GSTO1: variants seen among roughly 807,000 people sequenced by gnomAD.
GSTO1 encodes the protein glutathione S-transferase omega 1, also known as glutathione S-transferase omega-1.
In GSTO1, 27 loss-of-function variants were observed where a neutral mutation model predicts 23.8. The ratio of observed to expected loss-of-function variants is 1.13; its 90% CI spans 0.83 to 1.56. The LOEUF (loss-of-function observed/expected upper bound fraction) is 1.56, where lower values mean the gene tolerates loss of function less well. Among genes scored for constraint, GSTO1 ranks in the 40% most tolerant of loss-of-function variants. The pLI, the probability that GSTO1 is intolerant of heterozygous loss-of-function variation, is 0.00. For synonymous variants in GSTO1, 105 were observed against 109.3 expected, an observed-to-expected ratio of 0.96 and a Z score of 0.25; for missense variants, 255 against 285.8, an observed-to-expected ratio of 0.89 and a Z score of 0.78.
intron 1 of GSTO1, 96 bp downstream of exon 1, chr10:104,255,058 A>G: frequency 6.9e-7 from 1 of 1,450,856 alleles, no homozygotes; most frequent in Non-Finnish European, 9.5e-7. Context: ...GGAGCGCCCC[A>G]CCGGCGGGGA....
At position 104,266,170 on chromosome 10, in the gene GSTO1, G is replaced by A. The variant is rs749156346; in HGVS notation, c.552G>A (p.Leu184=). Residue 184 remains leucine, a synonymous_variant, in exon 5 of 6, where the codon CTG becomes CTA. Coordinates refer to ENST00000369713, the MANE Select transcript of GSTO1 (RefSeq NM_004832.3). The part of the protein sequence containing the change: ...DYLIWPWFER[L]EAMKLNECVD... ...TCATCTGGCCCTGGTTTGAACGGCT[G>A]GAAGCAATGAAGTTAAATGAGTAAG... 4 of 1,597,544 alleles carry A rather than the reference G, an allele frequency of 2.5e-6. No homozygotes were observed. In the Admixed American group the frequency reaches 6.7e-5, roughly 27 times the overall value.
At chr10:104,258,043 T>G (rs2011109520) in intron 2 of GSTO1, among the ~76,000 whole-genome samples, 1 of 152,188 alleles carries the variant, frequency 6.6e-6, no homozygotes, top group Non-Finnish European at 1.5e-5. Flanking sequence ...ATAACAAACT[T>G]GTAAATAAGT....
At chr10:104,260,672 T>A (rs1440279167) in intron 3 of GSTO1, among the ~76,000 whole-genome samples, 3 of 152,224 alleles carry the variant, frequency 2.0e-5, no homozygotes, top group African/African-American at 7.2e-5. Context: ...GAATAGCATG[T>A]CTGGTTATAT....
chr10:104,265,517 G>T (rs1371701383), intron 4 of GSTO1, among the ~76,000 whole-genome samples: 1 of 152,148 alleles, frequency 6.6e-6, no homozygotes. Flanking sequence ...ACAATTGCTG[G>T]GTGATGAGTA....
intron 2 of GSTO1, among the ~76,000 whole-genome samples, chr10:104,256,155 A>G (rs947043983): frequency 1.3e-5 from 2 of 152,218 alleles, no homozygotes; most frequent in Non-Finnish European, 2.9e-5. Flanking sequence ...TGCATTTAAA[A>G]AATACATTTG....
At chr10:104,266,680 G>A (rs1054974679) in intron 5 of GSTO1, among the ~76,000 whole-genome samples, 11 of 151,448 alleles carry the variant, frequency 7.3e-5, no homozygotes, top group Non-Finnish European at 1.3e-4. Flanking sequence ...GTTGCAGTGA[G>A]CTGAGATCAT....
In GSTO1 at chr10:104,255,019, C is replaced by T. The variant is rs1017287304; in HGVS notation, c.34+57C>T. The stretch of plus-strand genomic sequence containing the variant: ...TCTCGGCGACCCCCGGCGGCATGTT[C>T]GAGGCTGCTCCGGGAGCCCAGCCGC... On this transcript the variant is annotated intron_variant, in intron 1 of 5. Transcript: ENST00000369713. 11 of 1,544,626 alleles carry T rather than the reference C, an allele frequency of 7.1e-6. No individual in the cohort carries two copies. In the Middle Eastern group the frequency reaches 7.0e-4, roughly 99 times the overall value.
intron 3 of GSTO1, among the ~76,000 whole-genome samples, chr10:104,260,799 G>C (rs1300032350): frequency 6.6e-6 from 1 of 152,176 alleles, no homozygotes; most frequent in East Asian, 1.9e-4. Flanking sequence ...TCTGTTTTAG[G>C]AGACATTATA....
chr10:104,259,636 C>T lies in GSTO1; in HGVS notation c.204C>T (p.Pro68=). Residue 68 remains proline, a synonymous_variant, in exon 3 of 6, where the codon CCC becomes CCT. Transcript: ENST00000369713. The part of the protein sequence containing the change: ...NKPEWFFKKN[P]FGLVPVLENS... The stretch of plus-strand genomic sequence containing the variant: ...CTGAGTGGTTCTTTAAGAAAAATCC[C>T]TTTGGTCTGGTGCCAGTTCTGGAAA... The T allele has an allele frequency of 6.2e-7, 1 of 1,613,580 alleles. No homozygotes were observed. Among genetic ancestry groups the T allele is most frequent in the Non-Finnish European group, 8.5e-7 (1 of 1,179,616 alleles).
chr10:104,254,809 G>A (rs2091593180), upstream of GSTO1: 7 of 971,726 alleles, frequency 7.2e-6, no homozygotes, highest in Non-Finnish European at 1.1e-5. Flanking sequence ...GCGGCCGCCG[G>A]GGGCAGGCAC....
chr10:104,256,441 A>T (rs373556491), intron 2 of GSTO1, among the ~76,000 whole-genome samples: 17 of 152,326 alleles, frequency 1.1e-4, no homozygotes, highest in African/African-American at 3.8e-4. Context: ...CTGGACCTTT[A>T]GTTTGAAAAC....
chr10:104,255,196 C>T lies in GSTO1; in HGVS notation c.68C>T (p.Ser23Leu). Residue 23 changes from serine (S) to leucine (L), a missense_variant, in exon 2 of 6, where the codon TCG becomes TTG. Ser to Leu is a moderately radical substitution (Grantham distance 145, BLOSUM62 -2). Transcript: ENST00000369713. Reference sequence around the variant, plus strand: ...CCCCCGGGGCCGGTCCCGGAGGGCTCGATCCGCATCTACAGCATGAGGTTC... The same window carrying T: ...CCCCCGGGGCCGGTCCCGGAGGGCTTGATCCGCATCTACAGCATGAGGTTC... ...SAPPGPVPEG[S>L]IRIYSMRFCP... 1 of 1,613,768 alleles carries T rather than the reference C, an allele frequency of 6.2e-7. No individual in the cohort carries two copies.
intron 4 of GSTO1, among the ~76,000 whole-genome samples, chr10:104,264,671 A>G (rs1221370834): frequency 1.3e-5 from 2 of 152,230 alleles, no homozygotes; most frequent in Admixed American, 1.3e-4. Flanking sequence ...GGTTACATCC[A>G]ATAAACCCAC....
At chr10:104,261,402 G>A (rs1161839298) in intron 3 of GSTO1, among the ~76,000 whole-genome samples, 2 of 152,098 alleles carry the variant, frequency 1.3e-5, no homozygotes, top group Non-Finnish European at 2.9e-5. Context: ...CAGCCCATCA[G>A]AACAGAAATG....
rs769727460 is a variant in GSTO1 at position 104,255,187 on chromosome 10, C to G, written c.59C>G (p.Pro20Arg). 1 of 1,613,774 alleles carries G rather than the reference C, an allele frequency of 6.2e-7. No homozygotes were observed. Among genetic ancestry groups the G allele is most frequent in the East Asian group, 2.2e-5 (1 of 44,854 alleles). The change falls in exon 2 of 6, where the codon CCG (proline) becomes CGG (arginine). Residue 20 changes from proline (P) to arginine (R), a missense_variant. Transcript: ENST00000369713. ...GKGSAPPGPV[P>R]EGSIRIYSMR... is the part of the protein sequence containing the mutation. ...GGAAGCGCGCCCCCGGGGCCGGTCC[C>G]GGAGGGCTCGATCCGCATCTACAGC...
chr10:104,266,949 A>G (rs553871910), intron 5 of GSTO1, among the ~76,000 whole-genome samples: 5 of 152,174 alleles, frequency 3.3e-5, no homozygotes, highest in Non-Finnish European at 7.3e-5. Context: ...AATAATTAAC[A>G]TAGAACATTC....
chr10:104,254,626 G>A, upstream of GSTO1: 1 of 491,018 alleles, frequency 2.0e-6, no homozygotes, highest in Non-Finnish European at 3.7e-6. Context: ...GAGCCCCGTG[G>A]AGTGCGGAGT....
chr10:104,264,030 G>A lies in GSTO1; in HGVS notation c.465+953G>A, dbSNP rs149514807. 4.1e-3 allele frequency among the ~76,000 whole-genome samples: 630 copies of A among 151,978 alleles called. 7 individuals carry two copies. The highest frequency in any genetic ancestry group is 0.015 in the African/African-American group (612 of 41,456). ...GCTAATGAATGATTTTTGTATGTGT[G>A]TTCATAAATGAGATTGGCCTATAAA... On this transcript the variant is annotated intron_variant, in intron 4 of 5. Coordinates refer to ENST00000369713, the MANE Select transcript of GSTO1 (RefSeq NM_004832.3).
At chr10:104,261,770 C>T (rs1320024318) in intron 3 of GSTO1, among the ~76,000 whole-genome samples, 2 of 152,132 alleles carry the variant, frequency 1.3e-5, no homozygotes, top group Non-Finnish European at 2.9e-5. Flanking sequence ...TCATGGGATT[C>T]TATATTTTTA....
Sources: gnomAD v4.1 joint callset for allele counts (sites outside exome capture counted in the v4.1 genomes callset) on GRCh38, gnomAD v4.1.1 for gene constraint, MANE v1.5 for transcripts, NCBI Gene and HGNC (gene_info 2026-07-23, HGNC 2026-07-21) for gene names.